ITPR2: variants seen among roughly 807,000 people sequenced by gnomAD.
ITPR2 encodes the protein inositol 1,4,5-trisphosphate receptor type 2, also known as inositol 1,4,5-trisphosphate-gated calcium channel ITPR2.
ITPR2 carries 207 observed loss-of-function variants against 317.1 expected under a neutral mutation model. The observed-to-expected ratio is 0.65, with a 90% CI of 0.58 to 0.73. The LOEUF (loss-of-function observed/expected upper bound fraction) is 0.73, where lower values mean the gene tolerates loss of function less well. Ranked by LOEUF, ITPR2 falls within the 30% of genes least tolerant of loss-of-function variation. The pLI is 0.00. For synonymous variants in ITPR2, 1,156 were observed against 1,149.1 expected, an observed-to-expected ratio of 1.01 and a Z score of -0.12; for missense variants, 2,613 against 3,284.0, an observed-to-expected ratio of 0.80 and a Z score of 4.99.
chr12:26,494,265 C>T lies in ITPR2; in HGVS notation c.5258G>A (p.Gly1753Asp). 6.2e-7 allele frequency: 1 copy of T among 1,613,468 alleles called. No individual in the cohort carries two copies. The highest frequency in any genetic ancestry group is 8.5e-7 in the Non-Finnish European group (1 of 1,179,634). Reference sequence around the variant, plus strand: ...AACATCGATGACAAGTTCTGATGCACCTTCTTTATCCAGCAGACACTGAAT... The same window carrying T: ...AACATCGATGACAAGTTCTGATGCATCTTCTTTATCCAGCAGACACTGAAT... ...SDIQCLLDKE[G>D]ASELVIDVIV... The change falls in exon 39 of 57, where the codon GGT becomes GAT. Residue 1753 changes from glycine (G) to aspartate (D), a missense_variant. By Grantham distance (94) the Gly-to-Asp change is moderately conservative (BLOSUM62 -1). Coordinates refer to ENST00000381340, the MANE Select transcript of ITPR2 (RefSeq NM_002223.4).
At chr12:26,686,292 T>C (rs541045312) in intron 11 of ITPR2, among the ~76,000 whole-genome samples, 189 bp downstream of exon 11, 1 of 152,178 alleles carries the variant, frequency 6.6e-6, no homozygotes, top group South Asian at 2.1e-4. Context: ...CCTGCACATT[T>C]TAATTATTAA....
chr12:26,548,328 A>T (rs1443726579), intron 37 of ITPR2, among the ~76,000 whole-genome samples: 2 of 152,152 alleles, frequency 1.3e-5, no homozygotes, highest in Non-Finnish European at 2.9e-5. Flanking sequence ...AGTAACACAG[A>T]TTTCCGGAGG....
chr12:26,690,339 A>G (rs1948212327), intron 10 of ITPR2, among the ~76,000 whole-genome samples: 1 of 135,946 alleles, frequency 7.4e-6, no homozygotes, highest in Non-Finnish European at 1.6e-5. Context: ...ACCATTGCCT[A>G]GTGTAGAAGC....
intron 37 of ITPR2, among the ~76,000 whole-genome samples, chr12:26,517,661 A>T (rs1943559803): frequency 6.6e-6 from 1 of 152,116 alleles, no homozygotes; most frequent in Admixed American, 6.5e-5. Flanking sequence ...AACATGGCAA[A>T]ACCACATCTC....
At chr12:26,803,815 C>T (rs1326526180) in intron 1 of ITPR2, among the ~76,000 whole-genome samples, 3 of 151,954 alleles carry the variant, frequency 2.0e-5, no homozygotes, top group African/African-American at 7.3e-5. Flanking sequence ...AGAAACATTC[C>T]TAGGAGGAAA....
intron 26 of ITPR2, among the ~76,000 whole-genome samples, chr12:26,604,083 G>C (rs1356890072): frequency 2.6e-5 from 4 of 152,122 alleles, no homozygotes; most frequent in Non-Finnish European, 5.9e-5. Flanking sequence ...TTTGTCCCAA[G>C]TTGTTTCTCC....
chr12:26,687,895 AC>A (rs1435808089), intron 10 of ITPR2, among the ~76,000 whole-genome samples: 5 of 152,132 alleles, frequency 3.3e-5, no homozygotes, highest in Non-Finnish European at 5.9e-5. Flanking sequence ...ACAAAGGGTG[AC>A]CCTCATAACA....
rs770951411 is a variant in ITPR2 at position 26,556,563 on chromosome 12, TTTTTGTG to T, written c.4822-195_4822-189del. Among the ~76,000 whole-genome samples, 813 of 88,936 alleles carry T rather than the reference TTTTTGTG, an allele frequency of 9.1e-3. 6 individuals are homozygous for T. Among genetic ancestry groups the T allele is most frequent in the Admixed American group, 0.014 (147 of 10,688 alleles). 58.3% of individuals were successfully genotyped at this position (88,936 alleles called of 152,430 possible). On this transcript the variant is annotated intron_variant, in intron 35 of 56. Transcript: ENST00000381340. ...AATATTGCCTGGGTCTCTATTTTTTTTTTTGTGTGTGTGTGTGTGTGTGTGTGTGTGT... is the reference window on the plus strand; with the variant it reads ...AATATTGCCTGGGTCTCTATTTTTTTTGTGTGTGTGTGTGTGTGTGTGTGT...
At chr12:26,393,187 T>C (rs1336795135) in intron 54 of ITPR2, among the ~76,000 whole-genome samples, 1 of 152,232 alleles carries the variant, frequency 6.6e-6, no homozygotes, top group Admixed American at 6.5e-5. Context: ...CAGTTCTCTC[T>C]TACTATGGAG....
chr12:26,787,069 C>T (rs1164833432), intron 2 of ITPR2, among the ~76,000 whole-genome samples: 2 of 152,156 alleles, frequency 1.3e-5, no homozygotes, highest in Non-Finnish European at 2.9e-5. Context: ...AGGCAAGAGC[C>T]GTAAAGACAA....
chr12:26,605,123 A>ATATAT (rs1333948623), intron 26 of ITPR2, among the ~76,000 whole-genome samples: 1 of 90,712 alleles, frequency 1.1e-5, no homozygotes, highest in Non-Finnish European at 2.1e-5. Context: ...AATAAAAAAT[A>ATATAT]AAAATATATA....
At chr12:26,684,176 G>A (rs1592035197) in intron 11 of ITPR2, among the ~76,000 whole-genome samples, 2 of 152,350 alleles carry the variant, frequency 1.3e-5, no homozygotes, top group East Asian at 3.9e-4. Flanking sequence ...GAATTACACA[G>A]GAGATGTAAT....
rs116610392 is a variant in ITPR2, at chr12:26,547,027, C to G, written c.5073+3220G>C. 5.7e-3 allele frequency among the ~76,000 whole-genome samples: 864 copies of G among 152,156 alleles called. 11 individuals are homozygous for G. The highest frequency in any genetic ancestry group is 0.02 in the African/African-American group (814 of 41,540). ...ATGGCTAAGATCTGAAAAGCACAGGCAACAGAAACAAAAATAGACAAATGG... is the reference window on the plus strand; with the variant it reads ...ATGGCTAAGATCTGAAAAGCACAGGGAACAGAAACAAAAATAGACAAATGG... On this transcript the variant is annotated intron_variant, in intron 37 of 56. Coordinates refer to ENST00000381340, the MANE Select transcript of ITPR2 (RefSeq NM_002223.4).
rs1938031451 is a variant in ITPR2 at position 26,339,464 on chromosome 12, T to A, written c.8039A>T (p.Asn2680Ile). The change falls in exon 57 of 57, where the codon AAT becomes ATT. Residue 2680 changes from asparagine to isoleucine, a missense_variant. This residue lies in a region of ITPR2 where 119 missense variants were observed against 144.3 expected (regional missense o/e 0.82). Transcript: ENST00000381340. Reference sequence around the variant, plus strand: ...TCCGAGGAAGCCCAGTCTCTGCTTATTCTTCCTTTGTTCTGTCATCTGGGG... The same window carrying A: ...TCCGAGGAAGCCCAGTCTCTGCTTAATCTTCCTTTGTTCTGTCATCTGGGG... ...LKEQMTEQRK[N>I]KQRLGFLGSN... 2 of 1,613,772 alleles carry A rather than the reference T, an allele frequency of 1.2e-6. No individual in the cohort carries two copies. Among genetic ancestry groups the A allele is most frequent in the Non-Finnish European group, 1.7e-6 (2 of 1,179,830 alleles).
At chr12:26,387,706 G>C in intron 54 of ITPR2, 112 bp from the exon 55 acceptor site, 1 of 955,924 alleles carries the variant, frequency 1.0e-6, no homozygotes, top group Non-Finnish European at 1.5e-6. Flanking sequence ...TTCAGTAAGA[G>C]TGTGCCAATT....
intron 35 of ITPR2, among the ~76,000 whole-genome samples, chr12:26,558,725 T>C (rs1248033614): frequency 6.6e-6 from 1 of 152,232 alleles, no homozygotes; most frequent in Non-Finnish European, 1.5e-5. Flanking sequence ...TCCAATTCTA[T>C]GGTTTTAATA....
intron 49 of ITPR2, among the ~76,000 whole-genome samples, chr12:26,423,847 G>A (rs757865347): frequency 3.9e-5 from 6 of 152,074 alleles, no homozygotes; most frequent in Admixed American, 6.5e-5. Flanking sequence ...CTCAAATATT[G>A]CGATCACTTC....
intron 1 of ITPR2, among the ~76,000 whole-genome samples, chr12:26,815,095 C>G (rs779654306): frequency 1.3e-5 from 2 of 152,140 alleles, no homozygotes; most frequent in African/African-American, 4.8e-5. Flanking sequence ...TCCCAGCACT[C>G]TGGGAGGCCG....
At position 26,653,966 on chromosome 12, in the gene ITPR2, A is replaced by C. The variant is rs200056228; in HGVS notation, c.2740+10T>G. ...AACAATGATATTATCACATTTCCCA[A>C]AATTCTTACCTCCATCTTGAAATTT... On this transcript the variant is annotated intron_variant, in intron 21 of 56. Coordinates refer to ENST00000381340, the MANE Select transcript of ITPR2 (RefSeq NM_002223.4). 1 of 1,603,856 alleles carries C rather than the reference A, an allele frequency of 6.2e-7. No individual in the cohort carries two copies. Among genetic ancestry groups the C allele is most frequent in the Non-Finnish European group, 8.5e-7 (1 of 1,173,418 alleles).
Sources: allele counts gnomAD v4.1 joint callset (sites outside exome capture counted in the v4.1 genomes callset), GRCh38; gene constraint gnomAD v4.1.1; regional missense constraint gnomAD v4.1.1; transcripts MANE v1.5; gene names NCBI Gene and HGNC (gene_info 2026-07-23, HGNC 2026-07-21).